The following UTS2B variants were observed in gnomAD, a reference collection of about 807,000 sequenced individuals.
UTS2B encodes the protein urotensin-2B.
A neutral mutation model predicts 19.2 loss-of-function variants in UTS2B; 21 were observed. That is an observed-to-expected ratio of 1.09 (90% CI 0.78 to 1.58). UTS2B has a LOEUF of 1.58. Among genes scored for constraint, UTS2B ranks in the 40% most tolerant of loss-of-function variants. The pLI is 0.00. For missense variants in UTS2B, 138 were observed against 130.3 expected, an observed-to-expected ratio of 1.06 and a Z score of -0.29; for synonymous variants, 57 against 50.2, an observed-to-expected ratio of 1.14 and a Z score of -0.58.
chr3:191,286,476 T>C (rs578077873), intron 4 of UTS2B, among the ~76,000 whole-genome samples: 99 of 151,948 alleles, frequency 6.5e-4, no homozygotes, highest in African/African-American at 2.3e-3. Flanking sequence ...TTTCAGAAAA[T>C]TCACAAATAC....
At chr3:191,333,343 G>A (rs920711657), upstream of UTS2B, among the ~76,000 whole-genome samples, 62 of 152,182 alleles carry the variant, frequency 4.1e-4, no homozygotes, top group African/African-American at 1.4e-3. Flanking sequence ...TAAGTTAATG[G>A]CGTACATCCA....
intron 4 of UTS2B, among the ~76,000 whole-genome samples, chr3:191,297,227 C>A (rs1458679963): frequency 6.6e-6 from 1 of 152,120 alleles, no homozygotes; most frequent in East Asian, 1.9e-4. Context: ...TGGCCACTTT[C>A]TTAACTTTAT....
At chr3:191,279,012 T>C (rs772475461) in intron 5 of UTS2B, among the ~76,000 whole-genome samples, 12 of 152,062 alleles carry the variant, frequency 7.9e-5, no homozygotes, top group Non-Finnish European at 1.6e-4. Flanking sequence ...AGATTTAAGT[T>C]TAGGAGTGAG....
At chr3:191,290,989 T>C (rs1435844076) in intron 4 of UTS2B, among the ~76,000 whole-genome samples, 1 of 152,164 alleles carries the variant, frequency 6.6e-6, no homozygotes, top group Admixed American at 6.5e-5. Flanking sequence ...TCCTTACATG[T>C]AGTTAAATGA....
Position 191,309,501 on chromosome 3 carries a change from A to G in UTS2B, c.-181-4953T>C, listed in dbSNP as rs112228132. On this transcript the variant is annotated intron_variant, in intron 3 of 8. Transcript: ENST00000340524. Reference sequence around the variant, plus strand: ...TTGTTTTAGACTATGTTTTCAATTTAATATTTTCAAGTTTCTGTTTGTATT... The same window carrying G: ...TTGTTTTAGACTATGTTTTCAATTTGATATTTTCAAGTTTCTGTTTGTATT... 3.9e-3 allele frequency among the ~76,000 whole-genome samples: 598 copies of G among 152,082 alleles called. 6 individuals carry two copies. Among genetic ancestry groups the G allele is most frequent in the African/African-American group, 0.013 (523 of 41,458 alleles).
chr3:191,319,678 T>C (rs760518149), intron 2 of UTS2B, among the ~76,000 whole-genome samples: 7 of 146,740 alleles, frequency 4.8e-5, no homozygotes, highest in South Asian at 2.2e-4. Flanking sequence ...GCCAACGTGG[T>C]GAAACCCTGT....
chr3:191,317,087 G>A lies in UTS2B; in HGVS notation c.-585-648C>T, dbSNP rs568370114. On this transcript the variant is annotated intron_variant, in intron 2 of 8. Transcript: ENST00000340524. ...GGGTGGTGCCCGTCAGGGAGGCTCG[G>A]GCCGTGCAGAGCCCATGGGGGTGGG... 3.6e-3 allele frequency among the ~76,000 whole-genome samples: 546 copies of A among 152,350 alleles called. 3 individuals carry two copies. The highest frequency in any genetic ancestry group is 4.8e-3 in the Non-Finnish European group (325 of 68,034).
chr3:191,273,159 C>T (rs1716136686), intron 8 of UTS2B, among the ~76,000 whole-genome samples: 2 of 152,116 alleles, frequency 1.3e-5, no homozygotes, highest in African/African-American at 2.4e-5. Flanking sequence ...CAGAGCGAGA[C>T]TCCGTCTCAA....
At chr3:191,340,924 C>G in the UTS2B span, among the ~76,000 whole-genome samples, 1 of 152,184 alleles carries the variant, frequency 6.6e-6, no homozygotes, top group Non-Finnish European at 1.5e-5. Flanking sequence ...TGGCCTCAAG[C>G]TCCTGGGCTC....
chr3:191,320,307 A>T (rs747796481), intron 2 of UTS2B, among the ~76,000 whole-genome samples: 2 of 152,242 alleles, frequency 1.3e-5, no homozygotes, highest in African/African-American at 2.4e-5. Flanking sequence ...AAGAGGGACC[A>T]GTTAAGTGAA....
chr3:191,336,372 T>G, the UTS2B span, among the ~76,000 whole-genome samples: 4 of 152,124 alleles, frequency 2.6e-5, no homozygotes, highest in Non-Finnish European at 4.4e-5. Flanking sequence ...TTTGAGCAAG[T>G]GTGTCATGAT....
intron 2 of UTS2B, among the ~76,000 whole-genome samples, chr3:191,324,074 T>A (rs1717677767): frequency 1.3e-5 from 2 of 152,176 alleles, no homozygotes; most frequent in Admixed American, 6.5e-5. Context: ...GCTCTGCCCT[T>A]ATGAATGCAT....
chr3:191,298,426 G>A (rs1301756782), intron 4 of UTS2B, among the ~76,000 whole-genome samples: 1 of 152,126 alleles, frequency 6.6e-6, no homozygotes, highest in African/African-American at 2.4e-5. Context: ...GTTTAAAAGT[G>A]TGTGGCACCT....
chr3:191,309,724 T>C (rs1717239627), intron 3 of UTS2B, among the ~76,000 whole-genome samples: 1 of 152,096 alleles, frequency 6.6e-6, no homozygotes, highest in Non-Finnish European at 1.5e-5. Context: ...TTGTGAGATC[T>C]GGTAATACGA....
Position 191,282,116 on chromosome 3 carries a change from G to A in UTS2B, c.74C>T (p.Ser25Phe), listed in dbSNP as rs746877745. The change falls in exon 5 of 9, where the codon TCT becomes TTT. Residue 25 changes from serine to phenylalanine, a missense_variant. Physicochemically the swap from Ser to Phe is radical, Grantham distance 155 (BLOSUM62 -2). Transcript: ENST00000340524. ...GGTAAGATATGGTCGTCCATGCACA[G>A]ATTGTAAAAAACTCAACACGGATAA... is the stretch of plus-strand genomic sequence containing the variant. ...TLLSVLSFLQSVHGRPYLTQG... is the reference protein window; with the variant it reads ...TLLSVLSFLQFVHGRPYLTQG... 5.6e-6 allele frequency: 9 copies of A among 1,613,410 alleles called. No homozygotes were observed. Among genetic ancestry groups the A allele is most frequent in the Non-Finnish European group, 7.6e-6 (9 of 1,179,614 alleles).
chr3:191,302,024 A>G (rs1360712497), intron 4 of UTS2B, among the ~76,000 whole-genome samples: 1 of 152,146 alleles, frequency 6.6e-6, no homozygotes, highest in Admixed American at 6.5e-5. Flanking sequence ...CCAGGGGGTT[A>G]GGCATTCTTA....
chr3:191,305,718 T>C (rs1433613467), intron 3 of UTS2B, among the ~76,000 whole-genome samples: 1 of 152,214 alleles, frequency 6.6e-6, no homozygotes, highest in Non-Finnish European at 1.5e-5. Context: ...TTTTGGTGTC[T>C]TTGTCATCAA....
At chr3:191,331,013 A>C (rs1236410404), upstream of UTS2B, among the ~76,000 whole-genome samples, 1 of 152,198 alleles carries the variant, frequency 6.6e-6, no homozygotes, top group Non-Finnish European at 1.5e-5. Context: ...CCTGTAGAAA[A>C]CAGTTTTCAC....
chr3:191,341,433 A>G, the UTS2B span, among the ~76,000 whole-genome samples: 1 of 152,218 alleles, frequency 6.6e-6, no homozygotes, highest in African/African-American at 2.4e-5. Flanking sequence ...GCCTGGAAGT[A>G]AGCAATATTT....
Sources: allele counts gnomAD v4.1 joint callset (sites outside exome capture counted in the v4.1 genomes callset), GRCh38; gene constraint gnomAD v4.1.1; transcripts MANE v1.5; gene names NCBI Gene and HGNC (gene_info 2026-07-23, HGNC 2026-07-21).